CNTN1: variants seen among roughly 807,000 people sequenced by gnomAD.
CNTN1 encodes contactin-1.
A neutral mutation model predicts 126.4 loss-of-function variants in CNTN1; 38 were observed. The observed-to-expected ratio is 0.30, with a 90% CI of 0.23 to 0.39. The LOEUF (loss-of-function observed/expected upper bound fraction) is 0.39, where lower values mean the gene tolerates loss of function less well. Ranked by LOEUF, CNTN1 falls within the 10% of genes least tolerant of loss-of-function variation. The probability of loss-of-function intolerance (pLI) is 1.00; values close to 1 mark genes in which losing one functional copy is unlikely to be tolerated. For missense variants in CNTN1, 1,009 were observed against 1,248.4 expected, an observed-to-expected ratio of 0.81 and a Z score of 2.89; for synonymous variants, 413 against 422.6, an observed-to-expected ratio of 0.98 and a Z score of 0.28.
intron 1 of CNTN1, among the ~76,000 whole-genome samples, chr12:40,764,181 C>G (rs1001103905): frequency 2.0e-5 from 3 of 152,066 alleles, no homozygotes; most frequent in African/African-American, 7.2e-5. Context: ...TAATATCTAC[C>G]TGAAGGATTT....
intron 1 of CNTN1, among the ~76,000 whole-genome samples, chr12:40,781,176 C>A (rs1259073511): frequency 1.3e-5 from 2 of 152,012 alleles, no homozygotes; most frequent in Non-Finnish European, 2.9e-5. Flanking sequence ...ATTAGACCTT[C>A]AAAGCCATAT....
chr12:40,704,245 G>A (rs748069246), intron 1 of CNTN1, among the ~76,000 whole-genome samples: 5 of 151,942 alleles, frequency 3.3e-5, no homozygotes, highest in Non-Finnish European at 5.9e-5. Flanking sequence ...AGCTATGAAA[G>A]GGCTGTAATT....
chr12:40,847,698 T>A (rs1168324578), intron 1 of CNTN1, among the ~76,000 whole-genome samples: 1 of 152,204 alleles, frequency 6.6e-6, no homozygotes, highest in East Asian at 1.9e-4. Flanking sequence ...ACTAGTTATA[T>A]CCCAGGCACA....
intron 1 of CNTN1, among the ~76,000 whole-genome samples, chr12:40,831,903 G>T (rs1342235512): frequency 6.6e-6 from 1 of 152,114 alleles, no homozygotes; most frequent in Non-Finnish European, 1.5e-5. Context: ...TTGGTAAAAC[G>T]TTCTACTGTC....
At chr12:41,039,959 G>A (rs1949360841) in intron 23 of CNTN1, among the ~76,000 whole-genome samples, 1 of 152,024 alleles carries the variant, frequency 6.6e-6, no homozygotes, top group Non-Finnish European at 1.5e-5. Context: ...AAGCCCCTGT[G>A]GAATCAGTGT....
chr12:40,843,880 G>A (rs1318074217), intron 1 of CNTN1, among the ~76,000 whole-genome samples: 2 of 152,004 alleles, frequency 1.3e-5, no homozygotes, highest in Admixed American at 6.6e-5. Flanking sequence ...GTAGAACTAA[G>A]TAGAAATAAT....
At chr12:40,782,499 C>A (rs1939842454) in intron 1 of CNTN1, among the ~76,000 whole-genome samples, 1 of 151,836 alleles carries the variant, frequency 6.6e-6, no homozygotes, top group Non-Finnish European at 1.5e-5. Flanking sequence ...TTCTAGTTAA[C>A]TAACTATAAT....
At chr12:40,814,338 T>TC (rs1240735128) in intron 1 of CNTN1, among the ~76,000 whole-genome samples, 1 of 152,262 alleles carries the variant, frequency 6.6e-6, no homozygotes, top group East Asian at 1.9e-4. Flanking sequence ...GTGTTTTACA[T>TC]TTGAGTCTTT....
intron 23 of CNTN1, among the ~76,000 whole-genome samples, chr12:41,067,452 G>C (rs1343553466): frequency 6.6e-6 from 1 of 152,040 alleles, no homozygotes; most frequent in Admixed American, 6.6e-5. Flanking sequence ...GCATTGTGGA[G>C]ACCCTGCAGT....
At chr12:41,035,923 T>C (rs189667324) in intron 23 of CNTN1, among the ~76,000 whole-genome samples, 28 of 152,256 alleles carry the variant, frequency 1.8e-4, no homozygotes, top group African/African-American at 5.8e-4. Flanking sequence ...GTAAGTTCAA[T>C]AGAAAAATGT....
intron 17 of CNTN1, among the ~76,000 whole-genome samples, chr12:41,008,872 G>A (rs1459604792): frequency 2.6e-5 from 4 of 152,156 alleles, no homozygotes; most frequent in Admixed American, 1.3e-4. Context: ...GGTAGCATGA[G>A]CATGGAGAAC....
chr12:40,940,939 C>A (rs1403560265), intron 12 of CNTN1, among the ~76,000 whole-genome samples: 1 of 152,168 alleles, frequency 6.6e-6, no homozygotes, highest in African/African-American at 2.4e-5. Context: ...CCTTCCACAG[C>A]CTAGAGCAGG....
chr12:41,058,373 T>C (rs1028552448), intron 23 of CNTN1, among the ~76,000 whole-genome samples: 1 of 151,986 alleles, frequency 6.6e-6, no homozygotes, highest in African/African-American at 2.4e-5. Flanking sequence ...AACCAAAAAT[T>C]GTATGATGGA....
Position 41,072,182 on chromosome 12 carries a change from T to C in CNTN1, c.*2147T>C, listed in dbSNP as rs1029801829. 2 of 152,230 alleles carry C rather than the reference T, an allele frequency of 1.3e-5. No homozygotes were observed. The highest frequency in any genetic ancestry group is 2.9e-5 in the Non-Finnish European group (2 of 68,028). The allele number at this position is 152,230 out of a possible 1,614,324, so 9.4% of individuals were successfully genotyped here. On this transcript the variant is annotated 3_prime_UTR_variant, in exon 24 of 24. Transcript: ENST00000551295. ...GTCAAGCTAACTAATAATCATCTGCTTTAAGACGCAAGATTCTGAATTAAA... is the reference window on the plus strand; with the variant it reads ...GTCAAGCTAACTAATAATCATCTGCCTTAAGACGCAAGATTCTGAATTAAA...
At chr12:40,890,094 G>A (rs1035598241) in intron 1 of CNTN1, among the ~76,000 whole-genome samples, 2 of 152,066 alleles carry the variant, frequency 1.3e-5, no homozygotes, top group African/African-American at 2.4e-5. Context: ...ATTAGATATG[G>A]ACTATCTCTA....
chr12:41,009,516 G>A (rs1217203049), intron 17 of CNTN1, among the ~76,000 whole-genome samples: 2 of 152,122 alleles, frequency 1.3e-5, no homozygotes, highest in African/African-American at 4.8e-5. Flanking sequence ...AAACTCCCAA[G>A]GTCATTTCCT....
intron 1 of CNTN1, among the ~76,000 whole-genome samples, chr12:40,854,204 T>A (rs1942818936): frequency 6.6e-6 from 1 of 151,894 alleles, no homozygotes; most frequent in Admixed American, 6.6e-5. Flanking sequence ...AAATTAAAAA[T>A]ATGCAAATGA....
intron 1 of CNTN1, among the ~76,000 whole-genome samples, chr12:40,749,317 C>A (rs902804925): frequency 5.3e-5 from 8 of 152,066 alleles, no homozygotes; most frequent in Non-Finnish European, 1.2e-4. Context: ...CTATTGTCCA[C>A]CTTTCAGTTA....
At chr12:40,869,028 T>A (rs1229729522) in intron 1 of CNTN1, among the ~76,000 whole-genome samples, 1 of 151,880 alleles carries the variant, frequency 6.6e-6, no homozygotes, top group Non-Finnish European at 1.5e-5. Flanking sequence ...TTAAAGTCAA[T>A]ATTTCTGTGA....
Sources: allele counts gnomAD v4.1 joint callset (sites outside exome capture counted in the v4.1 genomes callset), GRCh38; gene constraint gnomAD v4.1.1; transcripts MANE v1.5; gene names NCBI Gene and HGNC (gene_info 2026-07-23, HGNC 2026-07-21).